ANK1: variants seen among roughly 807,000 people sequenced by gnomAD.
The protein encoded by ANK1 is ankyrin-1.
Under a neutral mutation model 210.4 loss-of-function variants are expected in ANK1, and 51 were observed. That is an observed-to-expected ratio of 0.24 (90% confidence interval 0.19 to 0.31). The LOEUF is 0.31. ANK1 is among the 10% of genes least tolerant of loss of function. The probability of loss-of-function intolerance (pLI) is 1.00; values close to 1 mark genes in which losing one functional copy is unlikely to be tolerated. For synonymous variants in ANK1, 967 were observed against 1,025.9 expected, an observed-to-expected ratio of 0.94 and a Z score of 1.10; for missense variants, 2,051 against 2,504.4, an observed-to-expected ratio of 0.82 and a Z score of 3.86.
intron 9 of ANK1, among the ~76,000 whole-genome samples, chr8:41,722,801 C>T (rs1280764056): frequency 6.6e-6 from 1 of 152,188 alleles, no homozygotes. Flanking sequence ...TATTGGAACA[C>T]GGGCCCTAGT....
At chr8:41,665,493 T>C (rs1289038995) in intron 39 of ANK1, 9 of 345,906 alleles carry the variant, frequency 2.6e-5, no homozygotes, top group East Asian at 1.6e-4. Context: ...CCCATCCCCA[T>C]GGGAACTAGA....
At position 41,707,336 on chromosome 8, in the gene ANK1, G is replaced by A. The variant is rs563662496; in HGVS notation, c.1999-1095C>T. ...CTTTGCCTCAATACACTTTGCTAGC[G>A]TGGGACCAACAAAACGGATTTCTCT... On this transcript the variant is annotated intron_variant, in intron 17 of 42. Coordinates refer to ENST00000289734, the MANE Select transcript of ANK1 (RefSeq NM_000037.4). Among the ~76,000 whole-genome samples, 10 of 152,314 alleles carry A rather than the reference G, an allele frequency of 6.6e-5. No homozygotes were observed. The South Asian group carries it at 2.1e-3, about 32-fold the overall frequency.
intron 37 of ANK1, among the ~76,000 whole-genome samples, chr8:41,682,608 C>T (rs1816413559): frequency 6.6e-6 from 1 of 152,234 alleles, no homozygotes; most frequent in African/African-American, 2.4e-5. Flanking sequence ...GGCCCAGTCC[C>T]ACACAGGAAT....
At chr8:41,855,826 A>C (rs900377482) in intron 1 of ANK1, among the ~76,000 whole-genome samples, 7 of 152,106 alleles carry the variant, frequency 4.6e-5, no homozygotes, top group African/African-American at 1.4e-4. Flanking sequence ...TGCCAAGTGG[A>C]AAATCCTACA....
At chr8:41,680,456 G>T (rs549967643) in intron 37 of ANK1, among the ~76,000 whole-genome samples, 1 of 151,688 alleles carries the variant, frequency 6.6e-6, no homozygotes, top group Non-Finnish European at 1.5e-5. Context: ...CCAGCTACTC[G>T]AGAGGCTGAG....
chr8:41,723,122 C>A lies in ANK1; in HGVS notation c.909+3G>T, dbSNP rs745762339. 2 of 1,614,150 alleles carry A rather than the reference C, an allele frequency of 1.2e-6. No homozygotes were observed. The highest frequency in any genetic ancestry group is 1.7e-6 in the Non-Finnish European group (2 of 1,179,982). Reference sequence around the variant, plus strand: ...ATGCGCCTGACAGGAAGGAAGTACACACCTTGGTTTTGGCTTGGATTGGTG... The same window carrying A: ...ATGCGCCTGACAGGAAGGAAGTACAAACCTTGGTTTTGGCTTGGATTGGTG... On this transcript the variant is annotated splice_donor_region_variant and intron_variant, in intron 9 of 42. Coordinates refer to ENST00000289734, the MANE Select transcript of ANK1 (RefSeq NM_000037.4).
At chr8:41,794,955 T>C (rs1393705142) in intron 1 of ANK1, among the ~76,000 whole-genome samples, 2 of 152,164 alleles carry the variant, frequency 1.3e-5, no homozygotes, top group Non-Finnish European at 2.9e-5. Flanking sequence ...CCACCTGCCT[T>C]GGCCTCCCAA....
intron 1 of ANK1, among the ~76,000 whole-genome samples, chr8:41,833,719 C>T (rs79361488): frequency 0.016 from 2,440 of 152,270 alleles, 68 homozygotes; most frequent in African/African-American, 0.055. Flanking sequence ...CACTGTGTTC[C>T]GGGCTCTGTG....
At chr8:41,890,708 C>CAAAAAAAAAAAAAAAAA (rs557921949) in intron 1 of ANK1, among the ~76,000 whole-genome samples, 1 of 62,982 alleles carries the variant, frequency 1.6e-5, no homozygotes, top group Admixed American at 1.8e-4. Context: ...GACTCCGTCT[C>CAAAAAAAAAAAAAAAAA]AAAAAAAAAA....
At chr8:41,787,222 T>G (rs1297812994) in intron 1 of ANK1, among the ~76,000 whole-genome samples, 1 of 152,148 alleles carries the variant, frequency 6.6e-6, no homozygotes, top group East Asian at 1.9e-4. Context: ...TGGAGGCCAG[T>G]GGAGACGAGC....
chr8:41,718,187 T>A lies in ANK1; in HGVS notation c.1125A>T (p.Leu375Phe), dbSNP rs750084267. The A allele has an allele frequency of 6.2e-7, 1 of 1,613,754 alleles. No homozygotes were observed. The highest frequency in any genetic ancestry group is 1.1e-5 in the South Asian group (1 of 91,078). ...NSRALNGFTP[L>F]HIACKKNHVR... ...CGTGGTTCTTTTTGCAGGCGATGTG[T>A]AAGGGGGTAAAGCCATTCTGCAGCC... Residue 375 changes from leucine (L) to phenylalanine (F), a missense_variant, in exon 11 of 43, where the codon TTA becomes TTT. Physicochemically the swap from Leu to Phe is conservative, Grantham distance 22. Around this residue, in one of 6 missense-constraint regions of ANK1, gnomAD observed 1,413 missense variants for 1,707.4 expected, o/e 0.83. Transcript: ENST00000289734.
rs75314704 is a variant in ANK1 at position 41,892,802 on chromosome 8, C to T, written c.126+3553G>A. ...TTAATATTATATTAATTCACTCATT[C>T]AACCATTCACTCCACAAACATCCAC... On this transcript the variant is annotated intron_variant, in intron 1 of 42. Coordinates refer to the ANK1 transcript ENST00000265709. 6.0e-4 allele frequency among the ~76,000 whole-genome samples: 91 copies of T among 152,332 alleles called. 1 individual carries two copies. The highest frequency in any genetic ancestry group is 1.1e-3 in the Non-Finnish European group (74 of 68,034).
chr8:41,877,221 G>A (rs1054638871), intron 1 of ANK1, among the ~76,000 whole-genome samples: 1 of 152,268 alleles, frequency 6.6e-6, no homozygotes, highest in Non-Finnish European at 1.5e-5. Flanking sequence ...CAGCGCAGGT[G>A]AAAAGGGTGG....
chr8:41,664,704 C>T, intron 39 of ANK1: 2 of 1,222,272 alleles, frequency 1.6e-6, no homozygotes, highest in Non-Finnish European at 2.3e-6. Flanking sequence ...CCTCCGGCGT[C>T]TCCCAACTCT....
At chr8:41,886,023 G>A (rs1371507790) in intron 1 of ANK1, among the ~76,000 whole-genome samples, 1 of 152,196 alleles carries the variant, frequency 6.6e-6, no homozygotes, top group East Asian at 1.9e-4. Context: ...ATAAATACAA[G>A]GTGAGAATTT....
intron 2 of ANK1, among the ~76,000 whole-genome samples, chr8:41,745,091 AACAG>A (rs34313963): frequency 0.52 from 78,331 of 151,496 alleles, 21,622 homozygotes; most frequent in East Asian, 0.71. Flanking sequence ...AGCGTGAGAA[AACAG>A]ACAGAGACAG....
chr8:41,708,130 T>A (rs187855173), intron 17 of ANK1, among the ~76,000 whole-genome samples: 1 of 152,262 alleles, frequency 6.6e-6, no homozygotes, highest in African/African-American at 2.4e-5. Context: ...CTAAAAAACA[T>A]TGAATTGTAG....
At chr8:41,723,962 G>C (rs895058296) in intron 7 of ANK1, among the ~76,000 whole-genome samples, 9 of 151,546 alleles carry the variant, frequency 5.9e-5, no homozygotes, top group Middle Eastern at 3.4e-3. Flanking sequence ...GCTAATTTTT[G>C]TATTTTTAGT....
At chr8:41,787,795 G>A (rs569703562) in intron 1 of ANK1, among the ~76,000 whole-genome samples, 2 of 152,030 alleles carry the variant, frequency 1.3e-5, no homozygotes, top group Admixed American at 6.5e-5. Context: ...GGGTGACACA[G>A]TAAGACCCTG....
Sources: gnomAD v4.1 joint callset for allele counts (sites outside exome capture counted in the v4.1 genomes callset) on GRCh38, gnomAD v4.1.1 for gene constraint, gnomAD v4.1.1 regional missense constraint, MANE v1.5 for transcripts, NCBI Gene and HGNC (gene_info 2026-07-23, HGNC 2026-07-21) for gene names.